The following TTC27 variants were observed in gnomAD, a reference collection of about 807,000 sequenced individuals.
TTC27 encodes the protein tetratricopeptide repeat domain 27.
In TTC27, 79 loss-of-function variants were observed where a neutral mutation model predicts 115.9. That is an observed-to-expected ratio of 0.68 (90% confidence interval 0.57 to 0.82). TTC27 has a LOEUF of 0.82. Ranked by LOEUF, TTC27 falls within the 40% of genes least tolerant of loss-of-function variation. TTC27 has a pLI of 0.00. For synonymous variants in TTC27, 401 were observed against 356.0 expected, an observed-to-expected ratio of 1.13 and a Z score of -1.42; for missense variants, 1,054 against 993.1, an observed-to-expected ratio of 1.06 and a Z score of -0.82.
chr2:32,721,671 GCTGGAGTACAGTGGAATGATTATAACTCA>G (rs1246257584), intron 10 of TTC27, among the ~76,000 whole-genome samples: 2 of 150,488 alleles, frequency 1.3e-5, no homozygotes, highest in African/African-American at 4.9e-5. Context: ...TGTCACCCAG[GCTGGAGTACAGTGGAATGATTATAACTCA>G]CTGGAGTACA....
At chr2:32,739,434 A>G (rs1048847057) in intron 12 of TTC27, among the ~76,000 whole-genome samples, 1 of 152,218 alleles carries the variant, frequency 6.6e-6, no homozygotes, top group African/African-American at 2.4e-5. Context: ...CATCCCCTTC[A>G]GAGAAGGGAT....
At chr2:32,704,313 A>G in intron 10 of TTC27, among the ~76,000 whole-genome samples, 2 of 151,976 alleles carry the variant, frequency 1.3e-5, no homozygotes, top group East Asian at 3.9e-4. Context: ...CAGCCTTCTG[A>G]GTAGCTGGGA....
intron 12 of TTC27, among the ~76,000 whole-genome samples, chr2:32,740,125 A>G (rs976284986): frequency 6.6e-6 from 1 of 152,190 alleles, no homozygotes; most frequent in African/African-American, 2.4e-5. Flanking sequence ...TTAGTATTTA[A>G]AGGTTATCCG....
At chr2:32,683,611 G>A (rs944245809) in intron 9 of TTC27, among the ~76,000 whole-genome samples, 5 of 152,168 alleles carry the variant, frequency 3.3e-5, no homozygotes, top group African/African-American at 1.2e-4. Context: ...TTGCTGTTAT[G>A]TGATGCTATT....
intron 8 of TTC27, among the ~76,000 whole-genome samples, chr2:32,675,906 C>T (rs1295812236): frequency 2.0e-5 from 3 of 152,036 alleles, no homozygotes; most frequent in East Asian, 1.9e-4. Context: ...ATTTTCTTGC[C>T]TCAGCCTCCT....
intron 8 of TTC27, among the ~76,000 whole-genome samples, chr2:32,672,887 T>C (rs551040500): frequency 3.9e-5 from 6 of 152,220 alleles, no homozygotes; most frequent in Non-Finnish European, 8.8e-5. Context: ...ATTTAGTGTA[T>C]ATTTCCAACA....
intron 12 of TTC27, among the ~76,000 whole-genome samples, chr2:32,752,733 T>A (rs1281676069): frequency 6.6e-6 from 1 of 152,210 alleles, no homozygotes; most frequent in Admixed American, 6.5e-5. Context: ...GCTAGTCTTA[T>A]CAGATATACT....
chr2:32,677,235 G>C (rs1207796988), intron 8 of TTC27, among the ~76,000 whole-genome samples: 1 of 152,084 alleles, frequency 6.6e-6, no homozygotes, highest in East Asian at 1.9e-4. Context: ...TTACTTTGCA[G>C]TATAGCATTC....
chr2:32,721,294 A>G (rs1667917176), intron 10 of TTC27, among the ~76,000 whole-genome samples: 1 of 152,154 alleles, frequency 6.6e-6, no homozygotes. Context: ...AGGGACAGAA[A>G]CCCAATTCAA....
At chr2:32,739,902 A>C (rs1428745245) in intron 12 of TTC27, among the ~76,000 whole-genome samples, 1 of 152,244 alleles carries the variant, frequency 6.6e-6, no homozygotes, top group Non-Finnish European at 1.5e-5. Flanking sequence ...CTTAATTGGC[A>C]TAATTTATTT....
chr2:32,803,124 A>T (rs570196089), intron 16 of TTC27, among the ~76,000 whole-genome samples: 1 of 152,006 alleles, frequency 6.6e-6, no homozygotes, highest in South Asian at 2.1e-4. Context: ...TGCCACTGCC[A>T]CCTCCCACCA....
intron 12 of TTC27, among the ~76,000 whole-genome samples, chr2:32,752,981 T>G (rs1368493566): frequency 6.6e-6 from 1 of 152,212 alleles, no homozygotes; most frequent in African/African-American, 2.4e-5. Flanking sequence ...AGCAATCATT[T>G]GTTTCCCTCT....
intron 15 of TTC27, among the ~76,000 whole-genome samples, chr2:32,783,035 AT>A (rs1670234763): frequency 6.6e-6 from 1 of 152,168 alleles, no homozygotes; most frequent in African/African-American, 2.4e-5. Context: ...TGTACTAGAC[AT>A]TATTGAGAAA....
chr2:32,710,281 A>G (rs958635768), intron 10 of TTC27, among the ~76,000 whole-genome samples: 17 of 152,322 alleles, frequency 1.1e-4, no homozygotes, highest in African/African-American at 3.6e-4. Context: ...TTGATGAAGG[A>G]CATACTGACC....
chr2:32,773,250 A>G (rs768826020), intron 13 of TTC27, among the ~76,000 whole-genome samples: 2 of 152,156 alleles, frequency 1.3e-5, no homozygotes, highest in Non-Finnish European at 2.9e-5. Flanking sequence ...TTGCCCTGGA[A>G]ATAAGCTCTG....
intron 9 of TTC27, 85 bp from the exon 10 acceptor site, chr2:32,702,722 T>C (rs762901248): frequency 4.9e-5 from 43 of 870,728 alleles, no homozygotes; most frequent in Non-Finnish European, 8.0e-5. Flanking sequence ...CCCTGATATT[T>C]TGGAAGAATT....
At chr2:32,775,454 T>TC (rs1669965487) in intron 13 of TTC27, among the ~76,000 whole-genome samples, 1 of 152,180 alleles carries the variant, frequency 6.6e-6, no homozygotes, top group Admixed American at 6.5e-5. Context: ...TGCCTCGGCC[T>TC]CCCAAAGTGC....
At chr2:32,727,965 G>C (rs1668163486) in intron 10 of TTC27, among the ~76,000 whole-genome samples, 1 of 151,508 alleles carries the variant, frequency 6.6e-6, no homozygotes, top group Non-Finnish European at 1.5e-5. Flanking sequence ...AGGTTGAACT[G>C]CTCACCCAAA....
intron 8 of TTC27, among the ~76,000 whole-genome samples, 182 bp from the exon 9 acceptor site, chr2:32,678,674 G>T (rs746640135): frequency 2.6e-5 from 4 of 151,972 alleles, no homozygotes; most frequent in African/African-American, 7.2e-5. Context: ...TGATCTGCCC[G>T]CCTCGGCCTC....
Sources: gnomAD v4.1 joint callset for allele counts (sites outside exome capture counted in the v4.1 genomes callset) on GRCh38, gnomAD v4.1.1 for gene constraint, MANE v1.5 for transcripts, NCBI Gene and HGNC (gene_info 2026-07-23, HGNC 2026-07-21) for gene names.